Variants in DEUP1 observed in about 807,000 individuals in gnomAD.
DEUP1 encodes coiled-coil domain containing 67.
DEUP1 carries 82 observed loss-of-function variants against 87.4 expected under a neutral mutation model. The ratio of observed to expected loss-of-function variants is 0.94; its 90% confidence interval spans 0.78 to 1.13. The LOEUF is 1.13. DEUP1 is among the 50% of genes most tolerant of loss of function. DEUP1 has a pLI of 0.00. For synonymous variants in DEUP1, 214 were observed against 222.7 expected (o/e 0.96, Z 0.35); for missense variants, 663 against 681.5 (o/e 0.97, Z 0.30).
In DEUP1 at chr11:93,332,199, C is replaced by A; in HGVS notation, c.-44-17C>A. The A allele has an allele frequency of 6.8e-7, 1 of 1,468,646 alleles. No individual in the cohort carries two copies. Among genetic ancestry groups the A allele is most frequent in the Non-Finnish European group, 9.4e-7 (1 of 1,068,994 alleles). 91.0% of individuals were successfully genotyped at this position (1,468,646 alleles called of 1,614,324 possible). On this transcript the variant is annotated splice_polypyrimidine_tract_variant and intron_variant, in intron 1 of 13. Transcript: ENST00000298050. ...ATATAAACATTTTAGGAACTTGTAT[C>A]ATTTTCCTCCTAACAGATTAAAAAT...
chr11:93,427,398 G>A (rs1369451836), intron 13 of DEUP1, among the ~76,000 whole-genome samples: 2 of 152,018 alleles, frequency 1.3e-5, no homozygotes, highest in Non-Finnish European at 2.9e-5. Context: ...TTAATAAATG[G>A]TGCTGGGAAA....
rs1383704299 is a variant in DEUP1 at position 93,370,114 on chromosome 11, A to G, written c.474A>G (p.Ile158Met). The change falls in exon 6 of 14, where the codon ATA becomes ATG. Residue 158 changes from isoleucine (I) to methionine (M), a missense_variant. Transcript: ENST00000298050. The stretch of plus-strand genomic sequence containing the variant: ...CAAGAGAATGGGACAAGCAAGAGAT[A>G]TTATATCAGACTCATCTGATTTCTT... The part of the protein sequence containing the change: ...AKSREWDKQE[I>M]LYQTHLISLD... 1.2e-6 allele frequency: 2 copies of G among 1,608,344 alleles called. No individual in the cohort carries two copies. The highest frequency in any genetic ancestry group is 8.5e-7 in the Non-Finnish European group (1 of 1,176,360).
At position 93,430,448 on chromosome 11, in the gene DEUP1, G is replaced by A. The variant is rs1446161268; in HGVS notation, c.1639-7095G>A. 7.2e-5 allele frequency among the ~76,000 whole-genome samples: 11 copies of A among 152,294 alleles called. 3 individuals are homozygous for A. The highest frequency in any genetic ancestry group is 1.5e-5 in the Non-Finnish European group (1 of 68,032). On this transcript the variant is annotated intron_variant, in intron 13 of 13. Transcript: ENST00000298050. ...GGCCAAAAATTACTACAATGTGGATGAGCCTCAAAAACATGTTAAGTGAAA... is the reference window on the plus strand; with the variant it reads ...GGCCAAAAATTACTACAATGTGGATAAGCCTCAAAAACATGTTAAGTGAAA...
chr11:93,377,599 T>C (rs1390780312), intron 7 of DEUP1, among the ~76,000 whole-genome samples: 1 of 152,178 alleles, frequency 6.6e-6, no homozygotes, highest in East Asian at 1.9e-4. Flanking sequence ...GTGGAGCATT[T>C]AGGCCATTTA....
chr11:93,408,315 C>T lies in DEUP1; in HGVS notation c.1411C>T (p.Leu471Phe). 6.3e-7 allele frequency: 1 copy of T among 1,578,616 alleles called. No homozygotes were observed. Among genetic ancestry groups the T allele is most frequent in the Non-Finnish European group, 8.6e-7 (1 of 1,160,868 alleles). Residue 471 changes from leucine (L) to phenylalanine (F), a missense_variant, in exon 12 of 14, where the codon CTT becomes TTT. Transcript: ENST00000298050. Reference protein sequence around the residue: ...QYENERLRNDLAKLHVNGKST... With the variant: ...QYENERLRNDFAKLHVNGKST... ...TGAGAATGAAAGGCTCCGAAATGAT[C>T]TTGCAAAACTTCATGTCAATGGAAA...
intron 13 of DEUP1, among the ~76,000 whole-genome samples, chr11:93,436,676 A>G (rs1402474753): frequency 6.6e-6 from 1 of 152,182 alleles, no homozygotes; most frequent in Non-Finnish European, 1.5e-5. Flanking sequence ...CAAGGTTCAC[A>G]TGTATACAGA....
intron 12 of DEUP1, among the ~76,000 whole-genome samples, chr11:93,414,310 G>A (rs569796414): frequency 2.6e-5 from 4 of 152,204 alleles, no homozygotes; most frequent in Non-Finnish European, 5.9e-5. Context: ...TCAGGAGATC[G>A]AGACCATCCT....
intron 13 of DEUP1, among the ~76,000 whole-genome samples, chr11:93,430,628 C>A (rs1370581105): frequency 6.6e-6 from 1 of 152,100 alleles, no homozygotes; most frequent in African/African-American, 2.4e-5. Context: ...ACAGAGTTTT[C>A]ATTACGGATA....
intron 9 of DEUP1, among the ~76,000 whole-genome samples, chr11:93,391,707 CA>C (rs57417014): frequency 0.32 from 25,256 of 78,150 alleles, 1,771 homozygotes; most frequent in East Asian, 0.46. Flanking sequence ...GACTCCATCT[CA>C]AAAAAAAAAA....
At chr11:93,361,653 C>T (rs1006227846) in intron 4 of DEUP1, among the ~76,000 whole-genome samples, 1 of 151,964 alleles carries the variant, frequency 6.6e-6, no homozygotes, top group Non-Finnish European at 1.5e-5. Context: ...CTCAAAAACA[C>T]TACAGATAAA....
intron 12 of DEUP1, among the ~76,000 whole-genome samples, chr11:93,410,065 C>T (rs1419939658): frequency 6.6e-6 from 1 of 151,902 alleles, no homozygotes; most frequent in African/African-American, 2.4e-5. Flanking sequence ...AAAAAATGTT[C>T]AACATAAAAC....
chr11:93,345,771 G>A (rs1458108388), intron 2 of DEUP1, among the ~76,000 whole-genome samples: 12 of 152,108 alleles, frequency 7.9e-5, no homozygotes, highest in African/African-American at 2.6e-4. Flanking sequence ...TGTCAGATGC[G>A]TGGTTTGCAA....
intron 9 of DEUP1, among the ~76,000 whole-genome samples, chr11:93,393,236 A>G (rs1946828753): frequency 6.6e-6 from 1 of 151,598 alleles, no homozygotes; most frequent in African/African-American, 2.4e-5. Flanking sequence ...ACTGAGACTG[A>G]ATGCACATGC....
chr11:93,358,268 C>T (rs1944991777), intron 4 of DEUP1, among the ~76,000 whole-genome samples: 1 of 152,186 alleles, frequency 6.6e-6, no homozygotes, highest in African/African-American at 2.4e-5. Context: ...ACCAAGCAGT[C>T]ATTTAATATA....
At chr11:93,372,690 A>G (rs1945802240) in intron 7 of DEUP1, among the ~76,000 whole-genome samples, 1 of 152,188 alleles carries the variant, frequency 6.6e-6, no homozygotes, top group Non-Finnish European at 1.5e-5. Context: ...TCCCCACTTC[A>G]AACTCCAGCT....
At chr11:93,400,421 C>T (rs1201312705) in intron 11 of DEUP1, among the ~76,000 whole-genome samples, 2 of 152,090 alleles carry the variant, frequency 1.3e-5, no homozygotes, top group Non-Finnish European at 2.9e-5. Flanking sequence ...TCTCCCTGTA[C>T]CACTGTCTTC....
chr11:93,397,540 C>G (rs1946978976), intron 11 of DEUP1, among the ~76,000 whole-genome samples: 1 of 151,960 alleles, frequency 6.6e-6, no homozygotes, highest in African/African-American at 2.4e-5. Flanking sequence ...AGTGTATATT[C>G]TGGGTCGTCA....
chr11:93,433,993 C>CCCCAAA (rs1948170735), intron 13 of DEUP1, among the ~76,000 whole-genome samples: 2 of 152,252 alleles, frequency 1.3e-5, no homozygotes. Flanking sequence ...GCCTCCAGTT[C>CCCCAAA]GGTGGAGGGC....
chr11:93,417,709 G>T (rs1179802399), intron 13 of DEUP1, among the ~76,000 whole-genome samples: 1 of 145,244 alleles, frequency 6.9e-6, no homozygotes, highest in Non-Finnish European at 1.5e-5. Context: ...CCAAAAAAGA[G>T]CCCTCATCGC....
Sources: allele counts gnomAD v4.1 joint callset (sites outside exome capture counted in the v4.1 genomes callset), GRCh38; gene constraint gnomAD v4.1.1; transcripts MANE v1.5; gene names NCBI Gene and HGNC (gene_info 2026-07-23, HGNC 2026-07-21).